Variants in CD93 observed in about 807,000 individuals in gnomAD.
The protein encoded by CD93 is CD93 molecule.
CD93 carries 44 observed loss-of-function variants against 45.5 expected under a neutral mutation model. That is an observed-to-expected ratio of 0.97 (90% CI 0.76 to 1.24). The LOEUF (loss-of-function observed/expected upper bound fraction) is 1.24. Among genes scored for constraint, CD93 ranks in the 50% most tolerant of loss-of-function variants. The pLI is 0.00. For missense variants in CD93, 918 were observed against 844.5 expected (o/e 1.09, Z -1.08); for synonymous variants, 431 against 370.8 (o/e 1.16, Z -1.87).
At chr20:23,084,069 C>G in intron 1 of CD93, 95 bp from the exon 2 acceptor site, 1 of 1,506,614 alleles carries the variant, frequency 6.6e-7, no homozygotes, top group Admixed American at 1.7e-5. Context: ...GGCCGTGCTG[C>G]AGATGGGCAG....
chr20:23,085,249 G>GC lies in CD93; in HGVS notation c.943dup (p.Ala315GlyfsTer34), dbSNP rs747115137. The GC allele has an allele frequency of 1.8e-5, 29 of 1,612,304 alleles. No homozygotes were observed. The highest frequency in any genetic ancestry group is 2.0e-5 in the Non-Finnish European group (23 of 1,179,282). On this transcript the variant is annotated frameshift_variant, in exon 1 of 2. Coordinates refer to ENST00000246006, the MANE Select transcript of CD93 (RefSeq NM_012072.4). LOFTEE classifies it high-confidence loss of function. ...CCCATGGGGTCCCAGGACGCACGTG[G>GC]CCCCCCCACGACATGGGCTGGAGCT...
chr20:23,084,498 G>T lies in CD93; in HGVS notation c.1695C>A (p.Asp565Glu), dbSNP rs776289516. 1.2e-6 allele frequency: 2 copies of T among 1,614,144 alleles called. No individual in the cohort carries two copies. Among genetic ancestry groups the T allele is most frequent in the African/African-American group, 2.7e-5 (2 of 75,072 alleles). ...ASGPQEPAGG[D>E]SSVATQNNDG... is the part of the protein sequence containing the mutation. ...CGTTGTTTTGTGTGGCCACGGAGGA[G>T]TCCCCACCTGCAGGCTCCTGGGGGC... Residue 565 changes from aspartate to glutamate, a missense_variant, in exon 1 of 2, where the codon GAC becomes GAA. Asp to Glu is a conservative substitution (Grantham distance 45). Coordinates refer to ENST00000246006, the MANE Select transcript of CD93 (RefSeq NM_012072.4).
rs1985484507 is a variant in CD93, at chr20:23,085,863, C to T, written c.330G>A (p.Pro110=). The T allele has an allele frequency of 5.2e-6, 8 of 1,547,476 alleles. No individual in the cohort carries two copies. The East Asian group carries it at 1.4e-4, about 27-fold the overall frequency. ...EKGKCLDPSL[P]LKGFSWVGGG... ...CGCCCACCCAGCTGAAGCCCTTCAG[C>T]GGCAGACTAGGGTCCAGGCACTTGC... The change falls in exon 1 of 2, where the codon CCG becomes CCA. Residue 110 remains proline, a synonymous_variant. Transcript: ENST00000246006.
At position 23,085,470 on chromosome 20, in the gene CD93, C is replaced by A. The variant is rs1448398828; in HGVS notation, c.723G>T (p.Lys241Asn). The A allele has an allele frequency of 1.2e-6, 2 of 1,613,944 alleles. No individual in the cohort carries two copies. Among genetic ancestry groups the A allele is most frequent in the East Asian group, 2.2e-5 (1 of 44,870 alleles). Residue 241 changes from lysine to asparagine, a missense_variant, in exon 1 of 2, where the codon AAG becomes AAT. Coordinates refer to ENST00000246006, the MANE Select transcript of CD93 (RefSeq NM_012072.4). ...AGTCGAACACATCGGGGGCCTTCTC[C>A]TTGCACAGGAAATAATGACTCTGAG... ...DETQSHYFLC[K>N]EKAPDVFDWG...
At position 23,084,956 on chromosome 20, in the gene CD93, C is replaced by T. The variant is rs751105411; in HGVS notation, c.1237G>A (p.Glu413Lys). 6.2e-7 allele frequency: 1 copy of T among 1,613,768 alleles called. No individual in the cohort carries two copies. Residue 413 changes from glutamate to lysine, a missense_variant, in exon 1 of 2, where the codon GAG becomes AAG. Physicochemically the swap from Glu to Lys is moderately conservative, Grantham distance 56. Coordinates refer to ENST00000246006, the MANE Select transcript of CD93 (RefSeq NM_012072.4). ...TCCTCCCCGGCCAGGACGTAGCCCT[C>T]CTCACAGGAGCAGTGAAATGAGCCA... Reference protein sequence around the residue: ...TDGSFHCSCEEGYVLAGEDGT... With the variant: ...TDGSFHCSCEKGYVLAGEDGT...
chr20:23,083,827 C>T lies in CD93; in HGVS notation c.*123G>A, dbSNP rs1381729768. 1.1e-6 allele frequency: 1 copy of T among 900,198 alleles called. No individual in the cohort carries two copies. The highest frequency in any genetic ancestry group is 2.4e-5 in the East Asian group (1 of 41,404). 55.8% of individuals were successfully genotyped at this position (900,198 alleles called of 1,614,324 possible). ...AAGGGGCCTTTAAGGAGGAGACTTA[C>T]AATTGTTTGCTAAGATTCCAGTCCA... On this transcript the variant is annotated 3_prime_UTR_variant, in exon 2 of 2. Transcript: ENST00000246006.
Position 23,085,888 on chromosome 20 carries a change from C to T in CD93, c.305G>A (p.Gly102Asp). The change falls in exon 1 of 2, where the codon GGC becomes GAC. Residue 102 changes from glycine (G) to aspartate (D), a missense_variant. Physicochemically the swap from Gly to Asp is moderately conservative, Grantham distance 94. Coordinates refer to ENST00000246006, the MANE Select transcript of CD93 (RefSeq NM_012072.4). ...CGGCAGACTAGGGTCCAGGCACTTG[C>T]CCTTCTCTCGCTGGAGCCCAATCCA... ...KFWIGLQREKGKCLDPSLPLK... is the reference protein window; with the variant it reads ...KFWIGLQREKDKCLDPSLPLK... 6.9e-7 allele frequency: 1 copy of T among 1,456,884 alleles called. No individual in the cohort carries two copies. 90.2% of individuals were successfully genotyped at this position (1,456,884 alleles called of 1,614,324 possible).
rs1188072887 is a variant in CD93, at chr20:23,086,299, AGCCACTCCG to A, written c.-116_-108del. ...CAAGGGGAGCTGAGGGGTGAGCTGC[AGCCACTCCG>A]GCGCAGAGAAGGACACAAAGGCTGA... On this transcript the variant is annotated 5_prime_UTR_variant, in exon 1 of 2. Coordinates refer to ENST00000246006, the MANE Select transcript of CD93 (RefSeq NM_012072.4). The A allele has an allele frequency of 1.3e-5, 18 of 1,350,996 alleles. No individual in the cohort carries two copies. The highest frequency in any genetic ancestry group is 1.8e-5 in the Non-Finnish European group (18 of 1,022,510). 83.7% of individuals were successfully genotyped at this position (1,350,996 alleles called of 1,614,324 possible). A position where few individuals can be genotyped will look rare whatever the true frequency, so the allele number is the denominator to read the frequency against.
chr20:23,084,204 T>A, intron 1 of CD93, 55 bp downstream of exon 1: 1 of 1,582,594 alleles, frequency 6.3e-7, no homozygotes, highest in South Asian at 1.1e-5. Flanking sequence ...TGTACTGTAG[T>A]CAGTGCCCCC....
Position 23,084,762 on chromosome 20 carries a change from T to C in CD93, c.1431A>G (p.Pro477=), listed in dbSNP as rs1039441848. The C allele has an allele frequency of 1.2e-6, 2 of 1,611,410 alleles. No individual in the cohort carries two copies. The highest frequency in any genetic ancestry group is 1.3e-5 in the African/African-American group (1 of 74,778). The stretch of plus-strand genomic sequence containing the variant: ...TGTCCTCCTCATCGGGGGGCCCAGA[T>C]GGTGGTCCCAGAGACACAGGCCCCA... ...CTMGPVSLGP[P]SGPPDEEDKG... Residue 477 remains proline, a synonymous_variant, in exon 1 of 2, where the codon CCA becomes CCG. Transcript: ENST00000246006.
chr20:23,085,842 C>CCCCCCCCCCGAA lies in CD93; in HGVS notation c.350_351insTTCGGGGGGGGG (p.Val117_Gly118insSerGlyGlyGly). 6.3e-7 allele frequency: 1 copy of CCCCCCCCCCGAA among 1,592,238 alleles called. No individual in the cohort carries two copies. Among genetic ancestry groups the CCCCCCCCCCGAA allele is most frequent in the South Asian group, 1.1e-5 (1 of 87,332 alleles). On this transcript the variant is annotated inframe_insertion, in exon 1 of 2. Coordinates refer to ENST00000246006, the MANE Select transcript of CD93 (RefSeq NM_012072.4). Reference sequence around the variant, plus strand: ...AGTAAGGCGTGTCCTCCCCCCCGCCCACCCAGCTGAAGCCCTTCAGCGGCA... The same window carrying CCCCCCCCCCGAA: ...AGTAAGGCGTGTCCTCCCCCCCGCCCCCCCCCCCCGAAACCCAGCTGAAGCCCTTCAGCGGCA...
In CD93 at chr20:23,085,896, T is replaced by G; in HGVS notation, c.297A>C (p.Arg99=). ...RMSKFWIGLQ[R]EKGKCLDPSL... is the part of the protein sequence containing the mutation. ...TAGGGTCCAGGCACTTGCCCTTCTC[T>G]CGCTGGAGCCCAATCCAGAACTTGC... is the stretch of plus-strand genomic sequence containing the variant. The change falls in exon 1 of 2, where the codon CGA becomes CGC. Residue 99 remains arginine, a synonymous_variant. Coordinates refer to ENST00000246006, the MANE Select transcript of CD93 (RefSeq NM_012072.4). The G allele has an allele frequency of 6.9e-7, 1 of 1,448,608 alleles. No individual in the cohort carries two copies. Among genetic ancestry groups the G allele is most frequent in the Non-Finnish European group, 9.3e-7 (1 of 1,079,566 alleles). The allele number at this position is 1,448,608 out of a possible 1,614,324, so 89.7% of individuals were successfully genotyped here.
chr20:23,084,223 C>T, intron 1 of CD93, 36 bp downstream of exon 1: 2 of 1,603,024 alleles, frequency 1.2e-6, no homozygotes, highest in Non-Finnish European at 8.5e-7. Flanking sequence ...CCATGCCTGC[C>T]CATCCCCTCC....
At position 23,080,351 on chromosome 20, in the gene CD93, G is replaced by A. The variant is rs183518069; in HGVS notation, c.*3599C>T. The A allele has an allele frequency of 5.2e-5, 8 of 152,568 alleles. No individual in the cohort carries two copies. In the East Asian group the frequency reaches 1.2e-3, roughly 22 times the overall value. The allele number at this position is 152,568 out of a possible 1,614,324, so 9.5% of individuals were successfully genotyped here. ...TACCTAATGATCATCTCCATCCATC[G>A]AAAGATTGCTCAGGGATAAGACACT... On this transcript the variant is annotated 3_prime_UTR_variant, in exon 2 of 2. Transcript: ENST00000246006.
chr20:23,082,214 A>G lies in CD93; in HGVS notation c.*1736T>C, dbSNP rs1985340419. The G allele has an allele frequency of 6.6e-6, 1 of 152,228 alleles. No homozygotes were observed. Among genetic ancestry groups the G allele is most frequent in the Non-Finnish European group, 1.5e-5 (1 of 68,042 alleles). 9.4% of individuals were successfully genotyped at this position (152,228 alleles called of 1,614,324 possible). ...CCCCTGCCCCTTTAGTTTTCTATTA[A>G]AAACAATCTGAACCATAGCATCTAT... On this transcript the variant is annotated 3_prime_UTR_variant, in exon 2 of 2. Coordinates refer to ENST00000246006, the MANE Select transcript of CD93 (RefSeq NM_012072.4).
rs531087242 is a variant in CD93, at chr20:23,083,262, A to C, written c.*688T>G. On this transcript the variant is annotated 3_prime_UTR_variant, in exon 2 of 2. Transcript: ENST00000246006. Reference sequence around the variant, plus strand: ...TAATGCACTTCAAGCAACTTTTCTCATATTTTTCAAGCTTCCTTTGCAAAT... The same window carrying C: ...TAATGCACTTCAAGCAACTTTTCTCCTATTTTTCAAGCTTCCTTTGCAAAT... 3 of 152,370 alleles carry C rather than the reference A, an allele frequency of 2.0e-5. No homozygotes were observed. The highest frequency in any genetic ancestry group is 7.2e-5 in the African/African-American group (3 of 41,560). The allele number at this position is 152,370 out of a possible 1,614,324, so 9.4% of individuals were successfully genotyped here.
rs146152683 is a variant in CD93, at chr20:23,084,659, C to G, written c.1534G>C (p.Ala512Pro). The G allele has an allele frequency of 1.8e-4, 285 of 1,590,772 alleles. 1 individual carries two copies. The African/African-American group carries it at 3.0e-3, about 17-fold the overall frequency. The change falls in exon 1 of 2, where the codon GCT (alanine) becomes CCT (proline). Residue 512 changes from alanine to proline, a missense_variant. Transcript: ENST00000246006. Reference sequence around the variant, plus strand: ...GAAGGTCTACTTGTGGTGGGTGTAGCCTTGGGGGTGCCCTCGGGGCCCCTT... The same window carrying G: ...GAAGGTCTACTTGTGGTGGGTGTAGGCTTGGGGGTGCCCTCGGGGCCCCTT... ...PTRGPEGTPK[A>P]TPTTSRPSLS...
In CD93 at chr20:23,083,935, A is replaced by C. The variant is rs1985396149; in HGVS notation, c.*15T>G. 6.2e-7 allele frequency: 1 copy of C among 1,613,398 alleles called. No homozygotes were observed. The highest frequency in any genetic ancestry group is 1.3e-5 in the African/African-American group (1 of 74,904). ...GGTGGCTGGTGACTCTAGTGTCTCT[A>C]GGGCCACCTCACTTTCAGCAGTCTG... On this transcript the variant is annotated 3_prime_UTR_variant, in exon 2 of 2. Transcript: ENST00000246006.
chr20:23,081,918 T>C lies in CD93; in HGVS notation c.*2032A>G, dbSNP rs1214791879. On this transcript the variant is annotated 3_prime_UTR_variant, in exon 2 of 2. Transcript: ENST00000246006. ...GTTGCATTTGCATTTATTTAAGTGC[T>C]GATGTTGGTCAGCAGCGCATCCAGC... 6.6e-6 allele frequency: 1 copy of C among 152,222 alleles called. No individual in the cohort carries two copies. Among genetic ancestry groups the C allele is most frequent in the Non-Finnish European group, 1.5e-5 (1 of 68,044 alleles). The allele number at this position is 152,222 out of a possible 1,614,324, so 9.4% of individuals were successfully genotyped here.
Sources: allele counts gnomAD v4.1 joint callset, GRCh38; gene constraint gnomAD v4.1.1; transcripts MANE v1.5; gene names NCBI Gene and HGNC (gene_info 2026-07-23, HGNC 2026-07-21).